Variants in POU6F2 observed in about 807,000 individuals in gnomAD.
The protein encoded by POU6F2 is POU class 6 homeobox 2, also known as POU domain, class 6, transcription factor 2.
POU6F2 carries 31 observed loss-of-function variants against 71.3 expected under a neutral mutation model. The observed-to-expected ratio is 0.43, with a 90% CI of 0.33 to 0.59. The LOEUF (loss-of-function observed/expected upper bound fraction) is 0.59. Among genes scored for constraint, POU6F2 ranks in the 20% least tolerant of loss-of-function variants. The pLI is 0.04. For missense variants in POU6F2, 783 were observed against 856.8 expected, an observed-to-expected ratio of 0.91 and a Z score of 1.07; for synonymous variants, 347 against 355.7, an observed-to-expected ratio of 0.98 and a Z score of 0.27.
intron 4 of POU6F2, among the ~76,000 whole-genome samples, chr7:39,211,529 C>T (rs1408007786): frequency 6.6e-6 from 1 of 152,176 alleles, no homozygotes; most frequent in African/African-American, 2.4e-5. Context: ...TATAACTCAG[C>T]AGAAAACCTG....
chr7:39,313,952 T>C (rs1347247533), intron 4 of POU6F2, among the ~76,000 whole-genome samples: 2 of 152,208 alleles, frequency 1.3e-5, no homozygotes, highest in Non-Finnish European at 2.9e-5. Flanking sequence ...TATGGGAGAA[T>C]TCCCTACCAT....
chr7:39,015,892 T>A lies in POU6F2; in HGVS notation c.105+37834T>A, dbSNP rs1349872807. Among the ~76,000 whole-genome samples the A allele has an allele frequency of 2.8e-4, 18 of 64,062 alleles. 1 individual carries two copies. Among genetic ancestry groups the A allele is most frequent in the African/African-American group, 1.1e-3 (18 of 16,586 alleles). 42.0% of individuals were successfully genotyped at this position (64,062 alleles called of 152,430 possible). On this transcript the variant is annotated intron_variant, in intron 1 of 9. Coordinates refer to ENST00000518318, the MANE Select transcript of POU6F2 (RefSeq NM_001370959.1). ...TTATATATAGATATATATTATATAT[T>A]ATATATAGATATATATTATATATTA...
intron 7 of POU6F2, among the ~76,000 whole-genome samples, chr7:39,438,559 A>G (rs1190227432): frequency 1.3e-5 from 2 of 152,224 alleles, no homozygotes; most frequent in African/African-American, 4.8e-5. Context: ...AGGAAACAAC[A>G]GGTGCTGGAG....
At chr7:39,103,930 A>G (rs149998620) in intron 2 of POU6F2, among the ~76,000 whole-genome samples, 62 of 152,360 alleles carry the variant, frequency 4.1e-4, no homozygotes, top group Admixed American at 1.3e-3. Context: ...TCCAGCTATA[A>G]TTACCTAAAG....
In POU6F2 at chr7:39,436,327, A is replaced by G. The variant is rs145411870; in HGVS notation, c.1320+3044A>G. ...GCAGTGGTTTGTAGTTCTCCTTGAA[A>G]AGGTCCTTCATATCCCCTGTTAGCT... On this transcript the variant is annotated intron_variant, in intron 7 of 9. Transcript: ENST00000518318. 7.0e-3 allele frequency among the ~76,000 whole-genome samples: 1,065 copies of G among 152,014 alleles called. 20 individuals are homozygous for G. Among genetic ancestry groups the G allele is most frequent in the East Asian group, 0.06 (310 of 5,170 alleles).
At chr7:39,339,364 A>T (rs1217606622) in intron 4 of POU6F2, among the ~76,000 whole-genome samples, 3 of 152,210 alleles carry the variant, frequency 2.0e-5, no homozygotes, top group Non-Finnish European at 4.4e-5. Context: ...AACAATCTCC[A>T]TTCCTACCAC....
Position 39,095,827 on chromosome 7 carries a change from G to A in POU6F2, c.277+9796G>A, listed in dbSNP as rs143255232. ...GTGGCAGCAAAAATTAAAACGTGCC[G>A]AAGATTCTTAGATAAAAGGCAAAAT... is the stretch of plus-strand genomic sequence containing the variant. On this transcript the variant is annotated intron_variant, in intron 2 of 9. Transcript: ENST00000518318. 1.4e-3 allele frequency among the ~76,000 whole-genome samples: 209 copies of A among 152,256 alleles called. 1 individual carries two copies. The highest frequency in any genetic ancestry group is 2.5e-3 in the Non-Finnish European group (168 of 68,000).
chr7:39,439,713 C>T (rs1371743914), intron 7 of POU6F2, among the ~76,000 whole-genome samples: 2 of 152,070 alleles, frequency 1.3e-5, no homozygotes, highest in Non-Finnish European at 1.5e-5. Context: ...TGCTCTCAAA[C>T]CCTGACCTTA....
At chr7:39,315,853 G>A (rs912883842) in intron 4 of POU6F2, among the ~76,000 whole-genome samples, 2 of 152,186 alleles carry the variant, frequency 1.3e-5, no homozygotes, top group African/African-American at 4.8e-5. Context: ...GTGGAGTGAC[G>A]AATTTTTTCT....
At chr7:39,381,400 G>C (rs1397886437) in intron 5 of POU6F2, among the ~76,000 whole-genome samples, 1 of 152,158 alleles carries the variant, frequency 6.6e-6, no homozygotes, top group East Asian at 1.9e-4. Flanking sequence ...ACCACACCCA[G>C]CTAATTTTTT....
At chr7:39,057,903 T>G (rs1016672425) in intron 1 of POU6F2, among the ~76,000 whole-genome samples, 9 of 152,182 alleles carry the variant, frequency 5.9e-5, no homozygotes, top group African/African-American at 2.2e-4. Context: ...GGCCTCACAT[T>G]GGGTATTGGT....
At chr7:39,141,129 G>A (rs1157453645) in intron 2 of POU6F2, among the ~76,000 whole-genome samples, 1 of 152,132 alleles carries the variant, frequency 6.6e-6, no homozygotes, top group Non-Finnish European at 1.5e-5. Flanking sequence ...AGGGGGTTGT[G>A]TTCTGGCAAG....
chr7:39,261,166 G>A (rs1458799095), intron 4 of POU6F2, among the ~76,000 whole-genome samples: 1 of 152,112 alleles, frequency 6.6e-6, no homozygotes, highest in Non-Finnish European at 1.5e-5. Context: ...GTTAGGCAAA[G>A]GTTCTGTGAC....
intron 2 of POU6F2, among the ~76,000 whole-genome samples, chr7:39,196,898 G>T (rs944750414): frequency 1.2e-4 from 19 of 152,240 alleles, no homozygotes; most frequent in African/African-American, 4.6e-4. Context: ...ACCCAAAATT[G>T]TATGGAAACC....
intron 2 of POU6F2, among the ~76,000 whole-genome samples, chr7:39,137,577 T>C (rs939077573): frequency 2.8e-4 from 43 of 152,214 alleles, no homozygotes; most frequent in African/African-American, 1.0e-3. Flanking sequence ...TTACAGATTC[T>C]TTTATAGTTA....
intron 6 of POU6F2, 106 bp downstream of exon 6, chr7:39,406,846 G>A: frequency 7.0e-7 from 1 of 1,430,778 alleles, no homozygotes; most frequent in Non-Finnish European, 9.7e-7. Flanking sequence ...TCTATTCGAG[G>A]CAAATAAATA....
chr7:39,273,818 TGCCTTAGAGAA>T (rs1047084373), intron 4 of POU6F2, among the ~76,000 whole-genome samples: 1 of 152,062 alleles, frequency 6.6e-6, no homozygotes, highest in Non-Finnish European at 1.5e-5. Flanking sequence ...TTAAAGGCAC[TGCCTTAGAGAA>T]GCCTATGTTG....
intron 2 of POU6F2, among the ~76,000 whole-genome samples, chr7:39,095,594 T>G (rs1229268101): frequency 6.6e-6 from 1 of 152,180 alleles, no homozygotes; most frequent in Non-Finnish European, 1.5e-5. Flanking sequence ...TTATGGTCCT[T>G]TTGAGAATTC....
chr7:39,035,037 GT>G (rs2128710265), intron 1 of POU6F2, among the ~76,000 whole-genome samples: 1 of 151,726 alleles, frequency 6.6e-6, no homozygotes, highest in Admixed American at 6.6e-5. Context: ...ATTCTCTAAT[GT>G]GTGTTTATAT....
Sources: gnomAD v4.1 joint callset for allele counts (sites outside exome capture counted in the v4.1 genomes callset) on GRCh38, gnomAD v4.1.1 for gene constraint, MANE v1.5 for transcripts, NCBI Gene and HGNC (gene_info 2026-07-23, HGNC 2026-07-21) for gene names.